BLMH: variants seen among roughly 807,000 people sequenced by gnomAD.
The protein encoded by BLMH is bleomycin hydrolase.
A neutral mutation model predicts 61.6 loss-of-function variants in BLMH; 32 were observed. The observed-to-expected ratio is 0.52, with a 90% CI of 0.39 to 0.70. The LOEUF is 0.70. Ranked by LOEUF, BLMH falls within the 30% of genes least tolerant of loss-of-function variation. The probability of loss-of-function intolerance (pLI) is 0.00; values close to 1 mark genes in which losing one functional copy is unlikely to be tolerated. For missense variants in BLMH, 460 were observed against 555.5 expected, an observed-to-expected ratio of 0.83 and a Z score of 1.73; for synonymous variants, 183 against 193.8, an observed-to-expected ratio of 0.94 and a Z score of 0.46.
intron 6 of BLMH, 40 bp from the exon 7 acceptor site, chr17:30,274,237 G>A (rs1908358000): frequency 6.3e-7 from 1 of 1,584,510 alleles, no homozygotes; most frequent in African/African-American, 1.4e-5. Context: ...ATGGTTAGGG[G>A]GAAATGTTAT....
intron 4 of BLMH, among the ~76,000 whole-genome samples, 194 bp downstream of exon 4, chr17:30,287,612 C>T (rs1908767770): frequency 6.6e-6 from 1 of 152,204 alleles, no homozygotes; most frequent in Admixed American, 6.5e-5. Context: ...TTCACAGTAG[C>T]TCTCTCCTTA....
chr17:30,270,998 C>G (rs932251118), intron 10 of BLMH, among the ~76,000 whole-genome samples: 1 of 152,220 alleles, frequency 6.6e-6, no homozygotes, highest in East Asian at 1.9e-4. Flanking sequence ...CCCTTGCTGA[C>G]TTCTCTTTAA....
At chr17:30,255,201 A>T (rs546716899) in intron 11 of BLMH, among the ~76,000 whole-genome samples, 12 of 152,328 alleles carry the variant, frequency 7.9e-5, no homozygotes, top group Admixed American at 2.6e-4. Context: ...CTGTAAGGTT[A>T]TAATGTATTT....
At chr17:30,288,308 T>A (rs1430523325) in intron 3 of BLMH, 2 of 160,574 alleles carry the variant, frequency 1.2e-5, no homozygotes, top group Non-Finnish European at 2.7e-5. Context: ...AGTGTTTACA[T>A]TCCAATGCTA....
At chr17:30,265,612 T>A (rs1024628760) in intron 11 of BLMH, among the ~76,000 whole-genome samples, 14 of 152,218 alleles carry the variant, frequency 9.2e-5, no homozygotes, top group Non-Finnish European at 4.4e-5. Flanking sequence ...TTTCCAAATA[T>A]CTCTGAATGT....
At chr17:30,280,638 A>G (rs1908560597) in intron 6 of BLMH, among the ~76,000 whole-genome samples, 1 of 151,920 alleles carries the variant, frequency 6.6e-6, no homozygotes, top group Non-Finnish European at 1.5e-5. Context: ...CACCATATCC[A>G]GCTAATTTTT....
intron 2 of BLMH, 129 bp downstream of exon 2, chr17:30,291,182 G>T: frequency 8.5e-7 from 1 of 1,169,702 alleles, no homozygotes; most frequent in Non-Finnish European, 1.2e-6. Context: ...GCCTGTACCT[G>T]TGCCTCATTC....
At chr17:30,277,864 CAT>C (rs1567837286) in intron 6 of BLMH, among the ~76,000 whole-genome samples, 2 of 152,104 alleles carry the variant, frequency 1.3e-5, no homozygotes, top group Non-Finnish European at 2.9e-5. Context: ...ATGCCCTTCA[CAT>C]ATATTTTATA....
rs1209571317 is a variant in BLMH, at chr17:30,291,906, G to T, written c.-87C>A. ...TTGCGCTGCGGCTCGCTGCCTAGGG[G>T]GCCCGACCTGTCTCTCGCACCCGGA... On this transcript the variant is annotated 5_prime_UTR_variant, in exon 1 of 12. Coordinates refer to ENST00000261714, the MANE Select transcript of BLMH (RefSeq NM_000386.4). 26 of 1,254,066 alleles carry T rather than the reference G, an allele frequency of 2.1e-5. No individual in the cohort carries two copies. The African/African-American group carries it at 4.1e-4, about 20-fold the overall frequency. The allele number at this position is 1,254,066 out of a possible 1,614,324, so 77.7% of individuals were successfully genotyped here.
At chr17:30,255,882 G>C (rs1346461079) in intron 11 of BLMH, among the ~76,000 whole-genome samples, 3 of 152,122 alleles carry the variant, frequency 2.0e-5, no homozygotes, top group Non-Finnish European at 4.4e-5. Context: ...GGGCGACAGA[G>C]TGAGACTCCG....
Position 30,285,380 on chromosome 17 carries a change from G to T in BLMH, c.645+8C>A, listed in dbSNP as rs1908697918. 1 of 1,601,398 alleles carries T rather than the reference G, an allele frequency of 6.2e-7. No homozygotes were observed. Among genetic ancestry groups the T allele is most frequent in the Admixed American group, 1.7e-5 (1 of 58,004 alleles). On this transcript the variant is annotated splice_region_variant and intron_variant, in intron 6 of 11. Transcript: ENST00000261714. Reference sequence around the variant, plus strand: ...GGGGTCACAAAAAAATCCAAATTTTGTTATTACCTCCTCCATCATGACGTC... The same window carrying T: ...GGGGTCACAAAAAAATCCAAATTTTTTTATTACCTCCTCCATCATGACGTC...
At chr17:30,280,060 A>C (rs1908544257) in intron 6 of BLMH, among the ~76,000 whole-genome samples, 2 of 152,222 alleles carry the variant, frequency 1.3e-5, no homozygotes, top group Admixed American at 6.5e-5. Context: ...AAATCTTAGA[A>C]GCGTGAGAAC....
chr17:30,272,362 G>A (rs1327961349), intron 9 of BLMH, 199 bp downstream of exon 9: 1 of 618,924 alleles, frequency 1.6e-6, no homozygotes, highest in African/African-American at 1.8e-5. Context: ...GTGGGATTTT[G>A]ATGTCCTGGG....
chr17:30,260,369 A>G (rs1467844551), intron 11 of BLMH, among the ~76,000 whole-genome samples: 1 of 152,232 alleles, frequency 6.6e-6, no homozygotes, highest in African/African-American at 2.4e-5. Context: ...CAATATGAGG[A>G]GATTTCTCCC....
chr17:30,274,630 T>C (rs143046647), intron 6 of BLMH, among the ~76,000 whole-genome samples: 162 of 152,194 alleles, frequency 1.1e-3, no homozygotes, highest in African/African-American at 3.6e-3. Flanking sequence ...TCTCTAGTCA[T>C]AGGAAAGTAA....
chr17:30,287,035 C>T, intron 4 of BLMH, 133 bp from the exon 5 acceptor site: 1 of 644,702 alleles, frequency 1.6e-6, no homozygotes, highest in Admixed American at 2.9e-5. Context: ...TATTATGAAG[C>T]AGGGTTTTTT....
At chr17:30,282,708 C>T (rs1908625798) in intron 6 of BLMH, among the ~76,000 whole-genome samples, 1 of 152,206 alleles carries the variant, frequency 6.6e-6, no homozygotes, top group African/African-American at 2.4e-5. Flanking sequence ...GCTATCTGAG[C>T]TTCACGGCTG....
chr17:30,256,605 C>G (rs1468461131), intron 11 of BLMH, among the ~76,000 whole-genome samples: 1 of 152,176 alleles, frequency 6.6e-6, no homozygotes, highest in Admixed American at 6.5e-5. Flanking sequence ...GCTGGGATTA[C>G]AGGCGTAAGC....
intron 11 of BLMH, among the ~76,000 whole-genome samples, chr17:30,265,030 G>A (rs926841452): frequency 7.9e-5 from 12 of 152,080 alleles, no homozygotes; most frequent in African/African-American, 2.4e-4. Context: ...ATTCTAATTC[G>A]TAGTAGTTAA....
Sources: allele counts gnomAD v4.1 joint callset (sites outside exome capture counted in the v4.1 genomes callset), GRCh38; gene constraint gnomAD v4.1.1; transcripts MANE v1.5; gene names NCBI Gene and HGNC (gene_info 2026-07-23, HGNC 2026-07-21).